The following TNIK variants were observed in gnomAD, a reference collection of about 807,000 sequenced individuals.
The protein encoded by TNIK is TRAF2 and NCK interacting kinase, also known as TRAF2 and NCK-interacting protein kinase.
TNIK carries 49 observed loss-of-function variants against 191.3 expected under a neutral mutation model. That is an observed-to-expected ratio of 0.26 (90% CI 0.20 to 0.32). TNIK has a LOEUF of 0.32. TNIK is among the 10% of genes least tolerant of loss of function. TNIK has a pLI of 1.00. For synonymous variants in TNIK, 594 were observed against 600.9 expected, an observed-to-expected ratio of 0.99 and a Z score of 0.17; for missense variants, 1,155 against 1,702.3, an observed-to-expected ratio of 0.68 and a Z score of 5.66.
chr3:171,160,359 G>T (rs1733830782), intron 11 of TNIK, among the ~76,000 whole-genome samples: 1 of 152,028 alleles, frequency 6.6e-6, no homozygotes, highest in South Asian at 2.1e-4. Context: ...TTCTAGCAGT[G>T]GTGGCTAAGC....
intron 22 of TNIK, 37 bp downstream of exon 22, chr3:171,101,412 C>T (rs765152769): frequency 1.5e-5 from 24 of 1,551,772 alleles, no homozygotes; most frequent in Non-Finnish European, 2.1e-5. Flanking sequence ...GAAACCTAGT[C>T]CCCTCCCGGT....
At chr3:171,373,022 C>T (rs1716732492) in intron 1 of TNIK, among the ~76,000 whole-genome samples, 1 of 152,140 alleles carries the variant, frequency 6.6e-6, no homozygotes, top group Non-Finnish European at 1.5e-5. Context: ...TCTCTCTTTC[C>T]CCCAATCCAA....
chr3:171,102,977 T>G (rs1723845506), intron 21 of TNIK, among the ~76,000 whole-genome samples: 1 of 152,216 alleles, frequency 6.6e-6, no homozygotes, highest in African/African-American at 2.4e-5. Flanking sequence ...AAGGAAACAC[T>G]TTAGGTGTTT....
chr3:171,358,904 G>C (rs1023579461), intron 2 of TNIK, among the ~76,000 whole-genome samples: 6 of 152,172 alleles, frequency 3.9e-5, no homozygotes, highest in African/African-American at 1.4e-4. Flanking sequence ...TAAGTTTTAA[G>C]TTTACTAACA....
In TNIK at chr3:171,228,026, G is replaced by T. The variant is rs1239153857; in HGVS notation, c.180+139C>A. ...AAGGTAGGCTAGGCTAAGCTATGAT[G>T]TTCAACAGGTTATGTGTATTAAATG... On this transcript the variant is annotated intron_variant, in intron 3 of 32. Transcript: ENST00000436636. 3.0e-5 allele frequency: 29 copies of T among 955,050 alleles called. No individual in the cohort carries two copies. In the South Asian group the frequency reaches 4.5e-4, roughly 15 times the overall value. The allele number at this position is 955,050 out of a possible 1,614,324, so 59.2% of individuals were successfully genotyped here. A position where few individuals can be genotyped will look rare whatever the true frequency, so the allele number is the denominator to read the frequency against.
At chr3:171,269,643 T>G (rs1748846905) in intron 2 of TNIK, among the ~76,000 whole-genome samples, 1 of 152,228 alleles carries the variant, frequency 6.6e-6, no homozygotes, top group South Asian at 2.1e-4. Context: ...ATTTCTTTCT[T>G]ATTATGAAAT....
At chr3:171,188,597 C>A (rs1737658293) in intron 7 of TNIK, 105 bp downstream of exon 7, 1 of 1,384,588 alleles carries the variant, frequency 7.2e-7, no homozygotes, top group African/African-American at 1.4e-5. Flanking sequence ...TTTTTCAGTT[C>A]TCCCTTTGGG....
chr3:171,342,010 T>G (rs1757583160), intron 2 of TNIK, among the ~76,000 whole-genome samples: 1 of 152,228 alleles, frequency 6.6e-6, no homozygotes, highest in Admixed American at 6.5e-5. Flanking sequence ...ACCATCTTGG[T>G]TTAAAGTAAC....
intron 2 of TNIK, among the ~76,000 whole-genome samples, chr3:171,249,843 C>T (rs1440713964): frequency 1.3e-5 from 2 of 152,182 alleles, no homozygotes; most frequent in African/African-American, 2.4e-5. Context: ...CCTAGACTCC[C>T]TAACTGTTCC....
intron 1 of TNIK, among the ~76,000 whole-genome samples, chr3:171,448,386 G>A (rs898575951): frequency 5.9e-5 from 9 of 152,244 alleles, no homozygotes; most frequent in African/African-American, 2.2e-4. Flanking sequence ...GTCTTCTCGT[G>A]TTTGGCTTTT....
At chr3:171,113,470 G>A (rs1232127012) in intron 18 of TNIK, among the ~76,000 whole-genome samples, 1 of 152,038 alleles carries the variant, frequency 6.6e-6, no homozygotes, top group Non-Finnish European at 1.5e-5. Flanking sequence ...GCTGGGCGTG[G>A]TGGCAGGTGC....
intron 5 of TNIK, among the ~76,000 whole-genome samples, chr3:171,193,240 G>A (rs933431271): frequency 5.3e-5 from 8 of 152,166 alleles, no homozygotes; most frequent in African/African-American, 1.7e-4. Flanking sequence ...ATAACTGGTA[G>A]CATAAATTCT....
At chr3:171,093,755 C>T in intron 23 of TNIK, 84 bp downstream of exon 23, 3 of 1,550,738 alleles carry the variant, frequency 1.9e-6, no homozygotes, top group Non-Finnish European at 2.6e-6. Flanking sequence ...AAAATACATG[C>T]CATAGGCATT....
At chr3:171,456,054 G>A (rs935424844) in intron 1 of TNIK, among the ~76,000 whole-genome samples, 1 of 152,188 alleles carries the variant, frequency 6.6e-6, no homozygotes, top group East Asian at 1.9e-4. Context: ...AATGGCTAGG[G>A]AATGAGGGCT....
rs765841993 is a variant in TNIK, at chr3:171,101,626, G to A, written c.2414C>T (p.Thr805Met). 5.0e-6 allele frequency: 8 copies of A among 1,612,340 alleles called. No homozygotes were observed. Among genetic ancestry groups the A allele is most frequent in the South Asian group, 1.1e-5 (1 of 90,934 alleles). ...SYKKAIDEDL[T>M]ALAKELRELR... ...TTCTCTTAGTTCTTTGGCTAATGCC[G>A]TCAGATCCTATGAAAGAAAAATTTG... The change falls in exon 22 of 33, where the codon ACG becomes ATG. Residue 805 changes from threonine to methionine, a missense_variant. By Grantham distance (81) the Thr-to-Met change is moderately conservative. Transcript: ENST00000436636.
At chr3:171,227,930 A>T (rs544454639) in intron 3 of TNIK, among the ~76,000 whole-genome samples, 1 of 152,318 alleles carries the variant, frequency 6.6e-6, no homozygotes, top group East Asian at 1.9e-4. Flanking sequence ...TCAACATTTT[A>T]TTATAAAATA....
At chr3:171,196,921 A>ATT (rs112224735) in intron 4 of TNIK, among the ~76,000 whole-genome samples, 3 of 151,666 alleles carry the variant, frequency 2.0e-5, no homozygotes, top group East Asian at 1.9e-4. Context: ...CGCCCGGCTA[A>ATT]TTTTTTTGTA....
intron 12 of TNIK, among the ~76,000 whole-genome samples, chr3:171,144,924 G>A (rs1731331121): frequency 6.6e-6 from 1 of 152,092 alleles, no homozygotes; most frequent in Non-Finnish European, 1.5e-5. Flanking sequence ...CTACGTTGCT[G>A]CAAACAACAG....
At chr3:171,437,397 C>T (rs1316404448) in intron 1 of TNIK, among the ~76,000 whole-genome samples, 1 of 152,204 alleles carries the variant, frequency 6.6e-6, no homozygotes, top group African/African-American at 2.4e-5. Flanking sequence ...ACCACAAGAG[C>T]CAGTGAGCAC....
Sources: gnomAD v4.1 joint callset for allele counts (sites outside exome capture counted in the v4.1 genomes callset) on GRCh38, gnomAD v4.1.1 for gene constraint, MANE v1.5 for transcripts, NCBI Gene and HGNC (gene_info 2026-07-23, HGNC 2026-07-21) for gene names.